KCNIP4: variants seen among roughly 807,000 people sequenced by gnomAD.
The protein encoded by KCNIP4 is potassium voltage-gated channel interacting protein 4, also known as Kv channel-interacting protein 4.
Under a neutral mutation model 34.0 loss-of-function variants are expected in KCNIP4, and 12 were observed. That is an observed-to-expected ratio of 0.35 (90% CI 0.23 to 0.57). The LOEUF is 0.57. Among genes scored for constraint, KCNIP4 ranks in the 20% least tolerant of loss-of-function variants. The pLI, the probability that KCNIP4 is intolerant of heterozygous loss-of-function variation, is 0.83. For missense variants in KCNIP4, 238 were observed against 311.7 expected, an observed-to-expected ratio of 0.76 and a Z score of 1.78; for synonymous variants, 124 against 102.2, an observed-to-expected ratio of 1.21 and a Z score of -1.29.
chr4:21,451,738 AC>A (rs2109744959), intron 1 of KCNIP4, among the ~76,000 whole-genome samples: 1 of 152,218 alleles, frequency 6.6e-6, no homozygotes, highest in South Asian at 2.1e-4. Context: ...AGTTATCAAA[AC>A]TACCTTAAGG....
chr4:21,117,290 C>G (rs1749757696), intron 1 of KCNIP4, among the ~76,000 whole-genome samples: 2 of 19,894 alleles, frequency 1.0e-4, no homozygotes, highest in South Asian at 6.5e-3. Flanking sequence ...TGTAGCCTGG[C>G]CGGGGTTGCC....
intron 5 of KCNIP4, 38 bp downstream of exon 5, chr4:20,749,624 T>C: frequency 2.1e-6 from 3 of 1,432,698 alleles, no homozygotes; most frequent in Non-Finnish European, 1.9e-6. Context: ...GACTAAACTC[T>C]AAATAGTCAA....
intron 1 of KCNIP4, among the ~76,000 whole-genome samples, chr4:21,097,547 T>G (rs1445821680): frequency 6.6e-6 from 1 of 152,144 alleles, no homozygotes; most frequent in Admixed American, 6.5e-5. Flanking sequence ...TATTTACAAC[T>G]TTTTCACTAT....
chr4:20,749,845 G>T, intron 4 of KCNIP4, 113 bp from the exon 5 acceptor site: 1 of 620,688 alleles, frequency 1.6e-6, no homozygotes, highest in Non-Finnish European at 2.7e-6. Flanking sequence ...GCCTCCTTTA[G>T]TTTGTGCTTT....
chr4:20,748,584 A>T (rs1256156285), intron 5 of KCNIP4, among the ~76,000 whole-genome samples: 1 of 93,614 alleles, frequency 1.1e-5, no homozygotes, highest in African/African-American at 3.6e-5. Context: ...ATATATATAT[A>T]TATATATATA....
chr4:20,937,478 CCCGCCTCGG>C (rs1334692349), intron 1 of KCNIP4, among the ~76,000 whole-genome samples: 9 of 150,748 alleles, frequency 6.0e-5, no homozygotes, highest in Non-Finnish European at 1.3e-4. Flanking sequence ...TAGTGATCCA[CCCGCCTCGG>C]CCTCCTAAAG....
intron 1 of KCNIP4, among the ~76,000 whole-genome samples, chr4:21,860,307 T>G (rs1438573366): frequency 6.6e-6 from 1 of 151,992 alleles, no homozygotes; most frequent in Non-Finnish European, 1.5e-5. Context: ...CTGATTTTTG[T>G]ATTTTTAGTA....
At chr4:20,880,245 T>C (rs566052705) in intron 2 of KCNIP4, among the ~76,000 whole-genome samples, 1 of 152,250 alleles carries the variant, frequency 6.6e-6, no homozygotes, top group South Asian at 2.1e-4. Context: ...TGGGCTCTTA[T>C]CTTTCTTTGC....
chr4:20,887,590 G>T (rs1308482137), intron 1 of KCNIP4, among the ~76,000 whole-genome samples: 1 of 152,006 alleles, frequency 6.6e-6, no homozygotes, highest in African/African-American at 2.4e-5. Flanking sequence ...CAATGGAAGA[G>T]AATCCTTAAA....
At chr4:21,662,461 T>G (rs1396597066) in intron 1 of KCNIP4, among the ~76,000 whole-genome samples, 4 of 152,200 alleles carry the variant, frequency 2.6e-5, no homozygotes, top group Non-Finnish European at 5.9e-5. Flanking sequence ...ACAAAGTGAT[T>G]TGCTAAACAG....
At chr4:20,850,748 G>A (rs1720929281) in intron 2 of KCNIP4, 81 bp from the exon 3 acceptor site, 3 of 1,493,690 alleles carry the variant, frequency 2.0e-6, no homozygotes, top group African/African-American at 1.4e-5. Context: ...GAAAACGGAA[G>A]AACATGTCTG....
At chr4:21,508,212 C>T (rs1734012927) in intron 1 of KCNIP4, among the ~76,000 whole-genome samples, 1 of 151,950 alleles carries the variant, frequency 6.6e-6, no homozygotes, top group Non-Finnish European at 1.5e-5. Flanking sequence ...TTTACTTTCT[C>T]ATCAATTACA....
intron 1 of KCNIP4, among the ~76,000 whole-genome samples, chr4:21,427,173 T>C (rs1013865539): frequency 6.6e-5 from 10 of 152,142 alleles, no homozygotes; most frequent in African/African-American, 1.4e-4. Context: ...AGGAAATGGG[T>C]GTGTCTGTGA....
chr4:21,836,217 A>G (rs562421118), intron 1 of KCNIP4, among the ~76,000 whole-genome samples: 15 of 152,258 alleles, frequency 9.9e-5, no homozygotes, highest in African/African-American at 3.6e-4. Flanking sequence ...TCCATAACAA[A>G]ATTTTTTTAA....
chr4:21,829,306 G>C (rs1171673513), intron 1 of KCNIP4, among the ~76,000 whole-genome samples: 1 of 151,998 alleles, frequency 6.6e-6, no homozygotes, highest in Non-Finnish European at 1.5e-5. Context: ...ACCATCTGTA[G>C]AGAGAAAAAT....
intron 1 of KCNIP4, among the ~76,000 whole-genome samples, chr4:21,128,668 T>C (rs772765108): frequency 1.1e-3 from 170 of 152,334 alleles, no homozygotes; most frequent in African/African-American, 3.9e-3. Flanking sequence ...CAGAGCTATT[T>C]GTACTTTCTT....
intron 1 of KCNIP4, among the ~76,000 whole-genome samples, chr4:21,037,612 A>C (rs962481859): frequency 1.3e-5 from 2 of 152,216 alleles, no homozygotes; most frequent in Non-Finnish European, 2.9e-5. Flanking sequence ...TGCATTTCTT[A>C]TAACGTATTC....
intron 1 of KCNIP4, among the ~76,000 whole-genome samples, chr4:21,124,273 T>C (rs962783257): frequency 4.6e-5 from 7 of 152,174 alleles, no homozygotes. Context: ...TGTATTAATA[T>C]TATTATGAAA....
At position 21,326,567 on chromosome 4, in the gene KCNIP4, GTTTAT is replaced by G. The variant is rs761222454; in HGVS notation, c.62-443863_62-443859del. Among the ~76,000 whole-genome samples the G allele has an allele frequency of 9.2e-4, 137 of 148,994 alleles. 2 individuals carry two copies. The highest frequency in any genetic ancestry group is 1.1e-3 in the Admixed American group (16 of 15,002). Reference sequence around the variant, plus strand: ...ACAGATCATTGGGTCTTGTTTTTTTGTTTATTTTATTTTTTTTAATTCAGTCGTCT... The same window carrying G: ...ACAGATCATTGGGTCTTGTTTTTTTGTTTATTTTTTTTAATTCAGTCGTCT... On this transcript the variant is annotated intron_variant, in intron 1 of 8. Transcript: ENST00000382152.
Sources: gnomAD v4.1 joint callset for allele counts (sites outside exome capture counted in the v4.1 genomes callset) on GRCh38, gnomAD v4.1.1 for gene constraint, MANE v1.5 for transcripts, NCBI Gene and HGNC (gene_info 2026-07-23, HGNC 2026-07-21) for gene names.